Variants in GNAS observed in about 807,000 individuals in gnomAD.
The protein encoded by GNAS is GNAS complex locus.
GNAS carries 8 observed loss-of-function variants against 54.5 expected under a neutral mutation model. That is an observed-to-expected ratio of 0.15 (90% CI 0.09 to 0.26). GNAS has a LOEUF of 0.26. Ranked by LOEUF, GNAS falls within the 10% of genes least tolerant of loss-of-function variation. GNAS has a pLI of 1.00. For synonymous variants in GNAS, 204 were observed against 191.4 expected (o/e 1.07, Z -0.54); for missense variants, 170 against 529.8 (o/e 0.32, Z 6.67).
In GNAS at chr20:58,896,305, C is replaced by T. The variant is rs573663727; in HGVS notation, c.212+621C>T. On this transcript the variant is annotated intron_variant, in intron 2 of 12. Transcript: ENST00000371085. ...TTAAAACAAAAAACAAATCAGTACC[C>T]CTGCCTACAGAAAAGAAGAGGGAAC... 2.0e-5 allele frequency among the ~76,000 whole-genome samples: 3 copies of T among 152,156 alleles called. No individual in the cohort carries two copies. The East Asian group carries it at 5.8e-4, about 29-fold the overall frequency.
intron 1 of GNAS, among the ~76,000 whole-genome samples, chr20:58,874,461 G>A (rs2087660338): frequency 1.3e-5 from 2 of 152,242 alleles, no homozygotes; most frequent in Admixed American, 1.3e-4. Context: ...AGAGTTAGAT[G>A]GGAAAGTGTA....
At chr20:58,907,183 G>T (rs909080358) in intron 6 of GNAS, among the ~76,000 whole-genome samples, 12 of 152,102 alleles carry the variant, frequency 7.9e-5, no homozygotes, top group Non-Finnish European at 1.3e-4. Context: ...TAGGGTCTGC[G>T]CAATCTATCA....
chr20:58,848,855 G>C, intron 1 of GNAS: 1 of 398,484 alleles, frequency 2.5e-6, no homozygotes, highest in Non-Finnish European at 4.4e-6. Context: ...CATTACTGAT[G>C]TTTCAGCTCT....
intron 1 of GNAS, among the ~76,000 whole-genome samples, chr20:58,849,443 C>A (rs2086065014): frequency 6.6e-6 from 1 of 152,204 alleles, no homozygotes; most frequent in South Asian, 2.1e-4. Flanking sequence ...TTCTCTGACT[C>A]CATAAATTCA....
chr20:58,841,846 G>A lies in GNAS; in HGVS notation c.43+960G>A. On this transcript the variant is annotated intron_variant, in intron 1 of 12. Coordinates refer to the GNAS transcript ENST00000306090. This position sits in a 1 kb window ranked among gnomAD's most constrained non-coding sequence, Gnocchi z 5.0. ...CTGGGCTGTTTGCGCAGGACCTCTG[G>A]AGGCCCTCGAGATCGTCGCAAGTGG... The A allele has an allele frequency of 8.1e-7, 1 of 1,231,042 alleles. No homozygotes were observed. Among genetic ancestry groups the A allele is most frequent in the Non-Finnish European group, 1.0e-6 (1 of 987,984 alleles). 76.3% of individuals were successfully genotyped at this position (1,231,042 alleles called of 1,614,324 possible). A position where few individuals can be genotyped will look rare whatever the true frequency, so the allele number is the denominator to read the frequency against.
chr20:58,858,489 C>T (rs896065832), intron 1 of GNAS, among the ~76,000 whole-genome samples: 3 of 152,198 alleles, frequency 2.0e-5, no homozygotes, highest in Middle Eastern at 3.2e-3. Context: ...CACCAATAGA[C>T]TGTTTCCATG....
chr20:58,892,427 A>G (rs1234705327), intron 1 of GNAS: 12 of 137,648 alleles, frequency 8.7e-5, no homozygotes, highest in African/African-American at 3.3e-4. Flanking sequence ...GGCCTCGCCA[A>G]AGGGAGGCTT....
intron 1 of GNAS, among the ~76,000 whole-genome samples, chr20:58,864,550 G>A (rs1193189624): frequency 6.6e-6 from 1 of 152,198 alleles, no homozygotes; most frequent in Non-Finnish European, 1.5e-5. Flanking sequence ...CAAAGATGGT[G>A]AAGGTGAATT....
At chr20:58,840,738 A>G, upstream of GNAS, 1 of 1,605,388 alleles carries the variant, frequency 6.2e-7, no homozygotes, top group East Asian at 2.2e-5. The surrounding 1 kb of genome is among the most constrained non-coding windows in gnomAD (Gnocchi z 6.0). Context: ...AAGGAGCCCA[A>G]GGAGGAGAAG....
At chr20:58,887,966 C>G (rs2088706745), upstream of GNAS, among the ~76,000 whole-genome samples, 1 of 152,134 alleles carries the variant, frequency 6.6e-6, no homozygotes, top group Non-Finnish European at 1.5e-5. Context: ...TTCAGTCATC[C>G]GGTTGAATGG....
intron 1 of GNAS, among the ~76,000 whole-genome samples, chr20:58,859,005 C>A (rs2086640105): frequency 6.6e-6 from 1 of 151,948 alleles, no homozygotes; most frequent in Non-Finnish European, 1.5e-5. Flanking sequence ...AGATTTCTCT[C>A]AAAAAAAATT....
intron 3 of GNAS, among the ~76,000 whole-genome samples, chr20:58,900,803 C>T (rs1435558610): frequency 6.6e-6 from 1 of 152,224 alleles, no homozygotes; most frequent in Admixed American, 6.5e-5. Context: ...ATATCTCCAT[C>T]TACATAGTAA....
At chr20:58,908,527 C>T (rs2091231504) in intron 6 of GNAS, among the ~76,000 whole-genome samples, 1 of 151,848 alleles carries the variant, frequency 6.6e-6, no homozygotes, top group African/African-American at 2.4e-5. Context: ...CTAAAACAAT[C>T]TCGTGTGCCC....
In GNAS at chr20:58,891,692, C is replaced by G. The variant is rs972492331; in HGVS notation, c.-35C>G. The G allele has an allele frequency of 3.0e-6, 3 of 998,362 alleles. No homozygotes were observed. Among genetic ancestry groups the G allele is most frequent in the Non-Finnish European group, 3.6e-6 (3 of 833,350 alleles). 61.8% of individuals were successfully genotyped at this position (998,362 alleles called of 1,614,324 possible). The stretch of plus-strand genomic sequence containing the variant: ...AGGCCGCCCGCGCCCGCCGCCGCCG[C>G]AGCCCGGCCGCGCCCCGCCGCCGCC... On this transcript the variant is annotated 5_prime_UTR_variant, in exon 1 of 13. Coordinates refer to ENST00000371085, the MANE Select transcript of GNAS (RefSeq NM_000516.7).
rs1371454330 is a variant in GNAS, at chr20:58,909,512, C to T, written c.660-9C>T. On this transcript the variant is annotated splice_polypyrimidine_tract_variant and intron_variant, in intron 8 of 12. Transcript: ENST00000371085. This position sits in a 1 kb window ranked among gnomAD's most constrained non-coding sequence, Gnocchi z 7.3. ...CTCTGGAATAACCAGCTGTCCTCCT[C>T]CCCACCAGCATGTTTGACGTGGGTG... 1.2e-6 allele frequency: 2 copies of T among 1,613,832 alleles called. No individual in the cohort carries two copies. The highest frequency in any genetic ancestry group is 3.3e-5 in the Admixed American group (2 of 60,006).
chr20:58,840,440 G>C (rs201307445), upstream of GNAS: 2 of 1,613,440 alleles, frequency 1.2e-6, no homozygotes, highest in Non-Finnish European at 8.5e-7. The surrounding 1 kb of genome is among the most constrained non-coding windows in gnomAD (Gnocchi z 6.0). Flanking sequence ...CTACGAGACC[G>C]AGAGCGAGAC....
rs2145591738 is a variant in GNAS at position 58,856,311 on chromosome 20, C to G, written c.43+15425C>G. The G allele has an allele frequency of 6.5e-6, 1 of 152,986 alleles. No individual in the cohort carries two copies. 9.5% of individuals were successfully genotyped at this position (152,986 alleles called of 1,614,324 possible). On this transcript the variant is annotated intron_variant, in intron 1 of 12. Coordinates refer to the GNAS transcript ENST00000306090. This position sits in a 1 kb window ranked among gnomAD's most constrained non-coding sequence, Gnocchi z 4.2. Reference sequence around the variant, plus strand: ...TGGGGGAAAGGGGAAACACAACCTGCTGTAGGCAAGTCCGGATCCCAAACC... The same window carrying G: ...TGGGGGAAAGGGGAAACACAACCTGGTGTAGGCAAGTCCGGATCCCAAACC...
intron 1 of GNAS, among the ~76,000 whole-genome samples, chr20:58,858,117 G>A (rs369721855): frequency 4.8e-4 from 73 of 152,314 alleles, no homozygotes; most frequent in African/African-American, 1.6e-3. Flanking sequence ...ACAGGGAGAG[G>A]AGGAAGGATG....
rs1482837793 is a variant in GNAS, at chr20:58,909,945, T to C, written c.840-6T>C. On this transcript the variant is annotated splice_polypyrimidine_tract_variant and splice_region_variant and intron_variant, in intron 10 of 12. Coordinates refer to ENST00000371085, the MANE Select transcript of GNAS (RefSeq NM_000516.7). This position sits in a 1 kb window ranked among gnomAD's most constrained non-coding sequence, Gnocchi z 7.3. ...CCAAGCATTCACACGGCCTCCCTTCTTGTAGATGGCTGCGCACCATCTCTG... is the reference window on the plus strand; with the variant it reads ...CCAAGCATTCACACGGCCTCCCTTCCTGTAGATGGCTGCGCACCATCTCTG... 2 of 1,614,090 alleles carry C rather than the reference T, an allele frequency of 1.2e-6. No individual in the cohort carries two copies. The highest frequency in any genetic ancestry group is 8.5e-7 in the Non-Finnish European group (1 of 1,179,928).
Sources: allele counts gnomAD v4.1 joint callset (sites outside exome capture counted in the v4.1 genomes callset), GRCh38; gene constraint gnomAD v4.1.1; non-coding constraint Gnocchi (gnomAD v3.1); transcripts MANE v1.5; gene names NCBI Gene and HGNC (gene_info 2026-07-23, HGNC 2026-07-21).